RORB: variants seen among roughly 807,000 people sequenced by gnomAD.
RORB encodes the protein RAR related orphan receptor B, also known as nuclear receptor ROR-beta.
In RORB, 6 loss-of-function variants were observed where a neutral mutation model predicts 59.1. The observed-to-expected ratio is 0.10, with a 90% CI of 0.06 to 0.20. RORB has a LOEUF of 0.20. Ranked by LOEUF, RORB falls within the 10% of genes least tolerant of loss-of-function variation. RORB has a pLI of 1.00. For missense variants in RORB, 320 were observed against 560.5 expected (o/e 0.57, Z 4.33); for synonymous variants, 215 against 204.5 (o/e 1.05, Z -0.44).
At chr9:74,499,182 AAGTT>A (rs1349574124) in intron 1 of RORB, 17 of 152,448 alleles carry the variant, frequency 1.1e-4, no homozygotes, top group African/African-American at 3.1e-4. Flanking sequence ...TGACAACAGA[AAGTT>A]AGTAACGGCC....
chr9:74,650,890 T>A (rs1823979250), intron 4 of RORB, among the ~76,000 whole-genome samples: 1 of 152,186 alleles, frequency 6.6e-6, no homozygotes, highest in Non-Finnish European at 1.5e-5. Context: ...AGGTCAGAAA[T>A]GCATTGACTA....
chr9:74,679,231 C>T (rs1824501027), intron 9 of RORB, among the ~76,000 whole-genome samples: 1 of 151,956 alleles, frequency 6.6e-6, no homozygotes, highest in African/African-American at 2.4e-5. Context: ...CTTAGTCTCC[C>T]TATTTTCATT....
In RORB at chr9:74,686,348, C is replaced by T. The variant is rs555121833; in HGVS notation, c.*730C>T. On this transcript the variant is annotated 3_prime_UTR_variant, in exon 10 of 10. Transcript: ENST00000376896. ...CAAAGGAATAAACATAATGTGTGGC[C>T]TCTATATACAAACTCTATTTCTGTC... 1 of 152,656 alleles carries T rather than the reference C, an allele frequency of 6.6e-6. No individual in the cohort carries two copies. Among genetic ancestry groups the T allele is most frequent in the South Asian group, 2.1e-4 (1 of 4,824 alleles). 9.5% of individuals were successfully genotyped at this position (152,656 alleles called of 1,614,324 possible). A position where few individuals can be genotyped will look rare whatever the true frequency, so the allele number is the denominator to read the frequency against.
At chr9:74,510,375 G>A (rs1253201911) in intron 1 of RORB, among the ~76,000 whole-genome samples, 1 of 152,092 alleles carries the variant, frequency 6.6e-6, no homozygotes, top group East Asian at 1.9e-4. Flanking sequence ...CTCCATTTTA[G>A]ATATAGTGGT....
rs143638222 is a variant in RORB, at chr9:74,671,134, G to A, written c.1112-655G>A. ...GGGAAGGAAATAAGTGTGGGAGGGA[G>A]GGAGGAAGGGAGAAAAAGAGAGAGG... On this transcript the variant is annotated intron_variant, in intron 8 of 9. Transcript: ENST00000376896. 4.7e-3 allele frequency among the ~76,000 whole-genome samples: 715 copies of A among 151,740 alleles called. 5 individuals are homozygous for A. Among genetic ancestry groups the A allele is most frequent in the African/African-American group, 0.017 (688 of 41,332 alleles).
chr9:74,552,422 T>C (rs1263287571), intron 1 of RORB, among the ~76,000 whole-genome samples: 3 of 152,184 alleles, frequency 2.0e-5, no homozygotes. Flanking sequence ...CAATAACTTC[T>C]CTCCACTTCC....
chr9:74,608,563 C>CAAAAA (rs34028088), intron 1 of RORB, among the ~76,000 whole-genome samples: 8 of 127,270 alleles, frequency 6.3e-5, no homozygotes, highest in African/African-American at 2.1e-4. Flanking sequence ...GACTCCGTCT[C>CAAAAA]AAAAAAAAAA....
intron 8 of RORB, among the ~76,000 whole-genome samples, chr9:74,668,553 T>C (rs1211389343): frequency 1.3e-5 from 2 of 152,218 alleles, no homozygotes; most frequent in Non-Finnish European, 2.9e-5. Context: ...GCTGATCACA[T>C]AAACAGTCGA....
At chr9:74,622,814 C>T (rs112763187) in intron 1 of RORB, among the ~76,000 whole-genome samples, 16 of 152,112 alleles carry the variant, frequency 1.1e-4, no homozygotes, top group Admixed American at 2.0e-4. Flanking sequence ...CATGAGCCAC[C>T]GTGCCCAGCC....
chr9:74,549,717 A>G (rs1162041600), intron 1 of RORB, among the ~76,000 whole-genome samples: 1 of 151,562 alleles, frequency 6.6e-6, no homozygotes, highest in Non-Finnish European at 1.5e-5. Flanking sequence ...GTATTTTTTG[A>G]CTGCTTGTAG....
intron 9 of RORB, among the ~76,000 whole-genome samples, chr9:74,676,015 C>A (rs1237846143): frequency 6.6e-6 from 1 of 152,182 alleles, no homozygotes; most frequent in Non-Finnish European, 1.5e-5. Flanking sequence ...ACCAGAGGTG[C>A]AGAGGGTAGA....
chr9:74,650,792 T>G (rs992208764), intron 4 of RORB, among the ~76,000 whole-genome samples: 5 of 152,192 alleles, frequency 3.3e-5, no homozygotes, highest in African/African-American at 1.2e-4. Flanking sequence ...AATGCATTAT[T>G]TAAATTACCA....
chr9:74,657,942 T>C (rs542699304), intron 4 of RORB, among the ~76,000 whole-genome samples: 3 of 140,928 alleles, frequency 2.1e-5, no homozygotes, highest in Non-Finnish European at 3.0e-5. Flanking sequence ...GAGGTGGAGG[T>C]TGCAGTGAGC....
chr9:74,599,429 A>C (rs1475618390), intron 1 of RORB, among the ~76,000 whole-genome samples: 1 of 152,200 alleles, frequency 6.6e-6, no homozygotes, highest in African/African-American at 2.4e-5. Context: ...TAAAGAAATT[A>C]AAACAAGCCC....
intron 4 of RORB, among the ~76,000 whole-genome samples, chr9:74,648,936 A>C (rs1336345497): frequency 6.6e-6 from 1 of 152,110 alleles, no homozygotes; most frequent in African/African-American, 2.4e-5. Flanking sequence ...CTCTTGAAGA[A>C]AAAGCAAATA....
rs11144029 is a variant in RORB, at chr9:74,630,868, T to C, written c.93+501T>C. 8.5e-3 allele frequency among the ~76,000 whole-genome samples: 1,283 copies of C among 151,146 alleles called. 93 individuals carry two copies. In the East Asian group the frequency reaches 0.19, roughly 22 times the overall value. ...AAAGAAAAGAAAACTGGAAGCATGG[T>C]ATGTTAGAAGCCGAAAAGATTAACT... On this transcript the variant is annotated intron_variant, in intron 2 of 9. Coordinates refer to ENST00000376896, the MANE Select transcript of RORB (RefSeq NM_006914.4).
intron 8 of RORB, among the ~76,000 whole-genome samples, chr9:74,668,707 A>G (rs1433181497): frequency 6.6e-6 from 1 of 152,214 alleles, no homozygotes; most frequent in Non-Finnish European, 1.5e-5. Context: ...ATCATCATAA[A>G]GGTCTTCATC....
chr9:74,583,599 A>T (rs115562943), intron 1 of RORB, among the ~76,000 whole-genome samples: 2 of 151,888 alleles, frequency 1.3e-5, no homozygotes, highest in Admixed American at 1.3e-4. Context: ...AGCATTTTCA[A>T]TCAAACAGAT....
chr9:74,544,680 G>GT (rs1826461446), intron 1 of RORB, among the ~76,000 whole-genome samples: 1 of 152,132 alleles, frequency 6.6e-6, no homozygotes, highest in African/African-American at 2.4e-5. Context: ...CCTCCTCTGT[G>GT]TTTTTACCAC....
Sources: allele counts gnomAD v4.1 joint callset (sites outside exome capture counted in the v4.1 genomes callset), GRCh38; gene constraint gnomAD v4.1.1; transcripts MANE v1.5; gene names NCBI Gene and HGNC (gene_info 2026-07-23, HGNC 2026-07-21).